EPHB1: variants seen among roughly 807,000 people sequenced by gnomAD.
EPHB1 encodes ephrin type-B receptor 1.
A neutral mutation model predicts 94.4 loss-of-function variants in EPHB1; 30 were observed. That is an observed-to-expected ratio of 0.32 (90% CI 0.24 to 0.43). EPHB1 has a LOEUF of 0.43. Among genes scored for constraint, EPHB1 ranks in the 20% least tolerant of loss-of-function variants. The probability of loss-of-function intolerance (pLI) is 1.00; values close to 1 mark genes in which losing one functional copy is unlikely to be tolerated. For synonymous variants in EPHB1, 522 were observed against 489.1 expected (o/e 1.07, Z -0.89); for missense variants, 1,055 against 1,308.3 (o/e 0.81, Z 2.99).
intron 13 of EPHB1, among the ~76,000 whole-genome samples, chr3:135,244,929 C>CAG (rs772349868): frequency 8.5e-5 from 13 of 152,124 alleles, no homozygotes; most frequent in Non-Finnish European, 1.9e-4. Context: ...TTAATGCTCC[C>CAG]AGATTATCAG....
At chr3:135,224,441 A>AT (rs1943347562) in intron 12 of EPHB1, among the ~76,000 whole-genome samples, 1 of 152,160 alleles carries the variant, frequency 6.6e-6, no homozygotes. Context: ...AGGCTATTAT[A>AT]TTTTGAAACA....
At chr3:135,197,451 C>G (rs1348217082) in intron 11 of EPHB1, among the ~76,000 whole-genome samples, 2 of 152,186 alleles carry the variant, frequency 1.3e-5, no homozygotes, top group African/African-American at 4.8e-5. Context: ...TGGCCTGGAG[C>G]AAACCTGTTA....
chr3:135,090,268 C>G (rs7653542), intron 3 of EPHB1, among the ~76,000 whole-genome samples: 6,885 of 152,208 alleles, frequency 0.045, 354 homozygotes, highest in East Asian at 0.12. Context: ...CCTCCCTATT[C>G]CAGAACCTGC....
chr3:135,100,887 G>C lies in EPHB1; in HGVS notation c.806-5561G>C, dbSNP rs139584839. Among the ~76,000 whole-genome samples the C allele has an allele frequency of 5.9e-5, 9 of 152,272 alleles. No homozygotes were observed. In the East Asian group the frequency reaches 1.7e-3, roughly 29 times the overall value. On this transcript the variant is annotated intron_variant, in intron 3 of 15. Transcript: ENST00000398015. The stretch of plus-strand genomic sequence containing the variant: ...GGAAAATATATACACGTTTAGGCAT[G>C]GGGTGCTCAGATCTTGTCTCCTCCC...
chr3:135,050,265 G>A (rs1023356627), intron 3 of EPHB1, among the ~76,000 whole-genome samples: 5 of 152,146 alleles, frequency 3.3e-5, no homozygotes, highest in Admixed American at 1.3e-4. Context: ...TGAGTTAGAC[G>A]TGACTCTCTT....
At chr3:134,884,147 G>C (rs948769790) in intron 1 of EPHB1, among the ~76,000 whole-genome samples, 2 of 152,206 alleles carry the variant, frequency 1.3e-5, no homozygotes, top group African/African-American at 2.4e-5. Context: ...TTCCAAGCCA[G>C]TGATGTCAAA....
intron 3 of EPHB1, among the ~76,000 whole-genome samples, chr3:134,954,021 G>A (rs1037506722): frequency 6.6e-6 from 1 of 152,226 alleles, no homozygotes; most frequent in Non-Finnish European, 1.5e-5. Flanking sequence ...ACTCATTGGA[G>A]GGTAAAGGAA....
chr3:135,047,541 C>A (rs1002779854), intron 3 of EPHB1, among the ~76,000 whole-genome samples: 2 of 152,156 alleles, frequency 1.3e-5, no homozygotes, highest in African/African-American at 2.4e-5. Context: ...GACTGACTGA[C>A]CTATTAACTG....
At chr3:134,886,787 G>T (rs977771834) in intron 1 of EPHB1, among the ~76,000 whole-genome samples, 5 of 152,046 alleles carry the variant, frequency 3.3e-5, no homozygotes, top group Non-Finnish European at 5.9e-5. Context: ...AATAGGTGAG[G>T]AAATTCAGGC....
intron 1 of EPHB1, among the ~76,000 whole-genome samples, chr3:134,916,676 G>A (rs972088784): frequency 5.9e-5 from 9 of 152,304 alleles, no homozygotes; most frequent in African/African-American, 1.2e-4. Flanking sequence ...CTGAGCCCAC[G>A]CCCACCCGGA....
chr3:134,868,804 T>C (rs143374385), intron 1 of EPHB1, among the ~76,000 whole-genome samples: 16 of 152,346 alleles, frequency 1.1e-4, no homozygotes, highest in African/African-American at 3.6e-4. Context: ...TATGCAATAA[T>C]AGACATTTGC....
At chr3:135,197,675 C>G (rs545647221) in intron 11 of EPHB1, among the ~76,000 whole-genome samples, 1 of 152,174 alleles carries the variant, frequency 6.6e-6, no homozygotes, top group Non-Finnish European at 1.5e-5. Flanking sequence ...TGCAGAAAAG[C>G]AATTTCAGCA....
In EPHB1 at chr3:135,249,466, C is replaced by T. The variant is rs778764510; in HGVS notation, c.2821C>T (p.Gln941Ter). 6.2e-7 allele frequency: 1 copy of T among 1,613,820 alleles called. No homozygotes were observed. Among genetic ancestry groups the T allele is most frequent in the African/African-American group, 1.3e-5 (1 of 74,954 alleles). Residue 941 changes from glutamine (Q) to a stop codon, truncating the protein, a stop_gained, in exon 15 of 16, where the codon CAG becomes TAG. Transcript: ENST00000398015. LOFTEE classifies it high-confidence loss of function. ...CCTCACTGCTGGCTTCACCTCCCTCCAGCTGGTCACCCAGATGACATCAGA... is the reference window on the plus strand; with the variant it reads ...CCTCACTGCTGGCTTCACCTCCCTCTAGCTGGTCACCCAGATGACATCAGA... ...SFLTAGFTSL[Q>*]LVTQMTSEDL... is the part of the protein sequence containing the mutation.
At chr3:135,159,833 C>T (rs1224714310) in intron 6 of EPHB1, among the ~76,000 whole-genome samples, 1 of 152,212 alleles carries the variant, frequency 6.6e-6, no homozygotes, top group Non-Finnish European at 1.5e-5. Context: ...CATTTATGGG[C>T]ATTTCTATGC....
chr3:135,212,110 G>T (rs1429205784), intron 12 of EPHB1, among the ~76,000 whole-genome samples: 1 of 151,848 alleles, frequency 6.6e-6, no homozygotes, highest in Admixed American at 6.6e-5. Flanking sequence ...GAGCCCTTCC[G>T]GTGACTTTTT....
At chr3:135,191,636 A>T (rs981396334) in intron 10 of EPHB1, among the ~76,000 whole-genome samples, 168 of 145,218 alleles carry the variant, frequency 1.2e-3, no homozygotes, top group African/African-American at 4.0e-3. Context: ...GATTCAACAG[A>T]TTTTTTTTTT....
intron 3 of EPHB1, among the ~76,000 whole-genome samples, chr3:135,046,194 G>A (rs1010591306): frequency 6.6e-6 from 1 of 152,160 alleles, no homozygotes; most frequent in Non-Finnish European, 1.5e-5. Flanking sequence ...TATTATTGGA[G>A]TCTGATAATT....
At chr3:135,186,637 A>G (rs1166226741) in intron 10 of EPHB1, among the ~76,000 whole-genome samples, 1 of 151,572 alleles carries the variant, frequency 6.6e-6, no homozygotes, top group Non-Finnish European at 1.5e-5. Context: ...GTGCATAACC[A>G]GAAGCTACTG....
intron 1 of EPHB1, among the ~76,000 whole-genome samples, chr3:134,856,094 A>T (rs1289249717): frequency 6.6e-6 from 1 of 152,142 alleles, no homozygotes; most frequent in Non-Finnish European, 1.5e-5. Flanking sequence ...GTTCCTAAAA[A>T]ATGGTGGAAA....
Sources: gnomAD v4.1 joint callset for allele counts (sites outside exome capture counted in the v4.1 genomes callset) on GRCh38, gnomAD v4.1.1 for gene constraint, MANE v1.5 for transcripts, NCBI Gene and HGNC (gene_info 2026-07-23, HGNC 2026-07-21) for gene names.